SHANK2: variants seen among roughly 807,000 people sequenced by gnomAD.
SHANK2 encodes SH3 and multiple ankyrin repeat domains protein 2.
SHANK2 carries 43 observed loss-of-function variants against 133.7 expected under a neutral mutation model. The ratio of observed to expected loss-of-function variants is 0.32; its 90% confidence interval spans 0.25 to 0.41. The LOEUF (loss-of-function observed/expected upper bound fraction) is 0.41. Among genes scored for constraint, SHANK2 ranks in the 10% least tolerant of loss-of-function variants. The probability of loss-of-function intolerance (pLI) is 1.00; values close to 1 mark genes in which losing one functional copy is unlikely to be tolerated. For missense variants in SHANK2, 1,994 were observed against 2,235.8 expected (o/e 0.89, Z 2.18); for synonymous variants, 1,017 against 952.8 (o/e 1.07, Z -1.24).
At chr11:70,842,629 C>G (rs1469294309) in intron 11 of SHANK2, among the ~76,000 whole-genome samples, 1 of 152,210 alleles carries the variant, frequency 6.6e-6, no homozygotes, top group Non-Finnish European at 1.5e-5. Flanking sequence ...GAGCCTCAGC[C>G]TAGGTCCCTC....
At chr11:70,841,029 G>C (rs1201596554) in intron 11 of SHANK2, among the ~76,000 whole-genome samples, 3 of 152,156 alleles carry the variant, frequency 2.0e-5, no homozygotes, top group Non-Finnish European at 4.4e-5. Context: ...TTGGGAGGTT[G>C]AGGCAGGTGG....
intron 17 of SHANK2, among the ~76,000 whole-genome samples, chr11:70,606,743 G>C (rs1461455442): frequency 2.0e-5 from 3 of 152,096 alleles, no homozygotes; most frequent in Non-Finnish European, 4.4e-5. Flanking sequence ...GTGCAAGATG[G>C]AATGGACCGT....
chr11:70,595,872 AG>A (rs1408528380), intron 17 of SHANK2, among the ~76,000 whole-genome samples: 7 of 152,364 alleles, frequency 4.6e-5, no homozygotes, highest in African/African-American at 1.7e-4. Context: ...AGTTAAGGTA[AG>A]GTCATGCTGG....
chr11:70,477,521 C>T (rs1003617733), intron 25 of SHANK2: 5 of 152,168 alleles, frequency 3.3e-5, no homozygotes, highest in East Asian at 1.9e-4. Context: ...GAGTGAAGTT[C>T]GCCTCTGCCT....
At chr11:71,233,360 C>G (rs1453668491) in intron 1 of SHANK2, among the ~76,000 whole-genome samples, 1 of 152,134 alleles carries the variant, frequency 6.6e-6, no homozygotes, top group Non-Finnish European at 1.5e-5. Context: ...GTGAAAGAAG[C>G]CAGTCACAAA....
At chr11:70,572,211 G>A (rs1441120804) in intron 17 of SHANK2, among the ~76,000 whole-genome samples, 1 of 152,252 alleles carries the variant, frequency 6.6e-6, no homozygotes, top group Non-Finnish European at 1.5e-5. Context: ...CCAGGCTGGA[G>A]TGCAGTGGCA....
intron 11 of SHANK2, among the ~76,000 whole-genome samples, chr11:70,860,088 G>A (rs1463052842): frequency 5.3e-5 from 8 of 152,026 alleles, no homozygotes; most frequent in African/African-American, 1.7e-4. Flanking sequence ...CCCAACATCC[G>A]ACCCTGTCCC....
At chr11:71,108,626 C>A (rs935648753) in intron 6 of SHANK2, among the ~76,000 whole-genome samples, 4 of 152,242 alleles carry the variant, frequency 2.6e-5, no homozygotes, top group African/African-American at 9.6e-5. Flanking sequence ...CACTGCCCTG[C>A]AAGCAGACCC....
intron 17 of SHANK2, among the ~76,000 whole-genome samples, chr11:70,624,432 C>A (rs1232878586): frequency 2.0e-5 from 3 of 151,854 alleles, no homozygotes; most frequent in African/African-American, 7.3e-5. Flanking sequence ...GAGAGAGGAA[C>A]AACCATCCCC....
chr11:70,698,404 C>A (rs1004607534), intron 15 of SHANK2: 4 of 513,400 alleles, frequency 7.8e-6, no homozygotes, highest in Non-Finnish European at 1.4e-5. Context: ...CTGCCGTCAT[C>A]CTTGACATTT....
chr11:71,115,682 G>C (rs1555100205), intron 4 of SHANK2, among the ~76,000 whole-genome samples: 2 of 152,146 alleles, frequency 1.3e-5, no homozygotes, highest in Admixed American at 6.5e-5. Flanking sequence ...GGGGCTGAGA[G>C]AGCATGGGTG....
chr11:70,617,621 G>T (rs2060768839), intron 17 of SHANK2, among the ~76,000 whole-genome samples: 1 of 152,214 alleles, frequency 6.6e-6, no homozygotes, highest in Non-Finnish European at 1.5e-5. Context: ...CCTAGAGCAA[G>T]CTCGAGTTCA....
intron 17 of SHANK2, among the ~76,000 whole-genome samples, chr11:70,520,359 C>T (rs943391281): frequency 3.9e-5 from 6 of 152,192 alleles, no homozygotes; most frequent in Admixed American, 2.6e-4. Context: ...GTTTCTTAGA[C>T]TTTGTTTTGT....
chr11:70,954,144 C>T (rs1479975259), intron 10 of SHANK2, among the ~76,000 whole-genome samples: 2 of 152,264 alleles, frequency 1.3e-5, no homozygotes, highest in African/African-American at 4.8e-5. Flanking sequence ...CTTGTTCCCA[C>T]ATCCACGTGG....
At chr11:71,220,839 A>T (rs1954520590) in intron 2 of SHANK2, among the ~76,000 whole-genome samples, 1 of 152,098 alleles carries the variant, frequency 6.6e-6, no homozygotes. Flanking sequence ...AGTTCTGGAG[A>T]CGGTTGGTGG....
chr11:70,826,218 G>A (rs1162626438), intron 11 of SHANK2, among the ~76,000 whole-genome samples: 4 of 152,170 alleles, frequency 2.6e-5, no homozygotes, highest in Non-Finnish European at 5.9e-5. Flanking sequence ...TGGCCATTCC[G>A]GAATGGAGTT....
intron 10 of SHANK2, among the ~76,000 whole-genome samples, chr11:70,941,175 T>C (rs1555084345): frequency 6.6e-6 from 1 of 152,160 alleles, no homozygotes; most frequent in Non-Finnish European, 1.5e-5. Flanking sequence ...CAATAAAGTA[T>C]CTGGCCCCTA....
At chr11:70,799,188 A>C (rs1307818120) in intron 13 of SHANK2, among the ~76,000 whole-genome samples, 1 of 152,170 alleles carries the variant, frequency 6.6e-6, no homozygotes, top group Non-Finnish European at 1.5e-5. Context: ...CTCTGAGGTC[A>C]GGAGTTCAAG....
chr11:70,770,530 T>C lies in SHANK2; in HGVS notation c.1777+27913A>G, dbSNP rs76878040. Among the ~76,000 whole-genome samples the C allele has an allele frequency of 7.4e-3, 1,133 of 152,316 alleles. 11 individuals are homozygous for C. Among genetic ancestry groups the C allele is most frequent in the African/African-American group, 0.025 (1,041 of 41,568 alleles). On this transcript the variant is annotated intron_variant, in intron 14 of 25. Transcript: ENST00000601538. ...AGCGGCCAATGAGCCGGGGTCACCA[T>C]GTGATGGCTGGGAAGTTACTTAGGC... is the stretch of plus-strand genomic sequence containing the variant.
Sources: gnomAD v4.1 joint callset for allele counts (sites outside exome capture counted in the v4.1 genomes callset) on GRCh38, gnomAD v4.1.1 for gene constraint, MANE v1.5 for transcripts, NCBI Gene and HGNC (gene_info 2026-07-23, HGNC 2026-07-21) for gene names.